NEMF: variants seen among roughly 807,000 people sequenced by gnomAD.
NEMF encodes the protein nuclear export mediator factor.
In NEMF, 89 loss-of-function variants were observed where a neutral mutation model predicts 162.2. The observed-to-expected ratio is 0.55, with a 90% CI of 0.46 to 0.65. The LOEUF (loss-of-function observed/expected upper bound fraction) is 0.65. Ranked by LOEUF, NEMF falls within the 30% of genes least tolerant of loss-of-function variation. The probability of loss-of-function intolerance (pLI) is 0.00; values close to 1 mark genes in which losing one functional copy is unlikely to be tolerated. For synonymous variants in NEMF, 421 were observed against 404.5 expected, an observed-to-expected ratio of 1.04 and a Z score of -0.49; for missense variants, 1,133 against 1,261.9, an observed-to-expected ratio of 0.90 and a Z score of 1.55.
intron 3 of NEMF, chr14:49,849,572 T>C (rs1410168633): frequency 6.6e-6 from 1 of 152,226 alleles, no homozygotes; most frequent in South Asian, 2.1e-4. Flanking sequence ...TCTATACATT[T>C]AGATTGACAC....
chr14:49,839,753 A>C (rs1355676305), intron 5 of NEMF: 1 of 152,204 alleles, frequency 6.6e-6, no homozygotes, highest in Non-Finnish European at 1.5e-5. Context: ...CATATACTAA[A>C]ATTAGAACGA....
chr14:49,851,162 C>A (rs1319993476), intron 3 of NEMF, among the ~76,000 whole-genome samples: 2 of 152,168 alleles, frequency 1.3e-5, no homozygotes, highest in African/African-American at 2.4e-5. Flanking sequence ...CAAGACTGTG[C>A]CACTGCACTC....
chr14:49,790,264 C>T (rs1890378146), intron 26 of NEMF, among the ~76,000 whole-genome samples: 1 of 152,100 alleles, frequency 6.6e-6, no homozygotes, highest in South Asian at 2.1e-4. Flanking sequence ...CAGCAATCCC[C>T]AAAGTGTGAA....
At position 49,851,674 on chromosome 14, in the gene NEMF, G is replaced by GA; in HGVS notation, c.129-10dup. The GA allele has an allele frequency of 6.2e-7, 1 of 1,608,676 alleles. No homozygotes were observed. The highest frequency in any genetic ancestry group is 8.5e-7 in the Non-Finnish European group (1 of 1,175,640). On this transcript the variant is annotated splice_polypyrimidine_tract_variant and intron_variant, in intron 2 of 32. Transcript: ENST00000298310. ...TAGCTTTAAAGTCCGGTCTGTAGAA[G>GA]AAAAAAGTCGAATTTTTCTTTAGGG...
intron 16 of NEMF, chr14:49,820,579 G>A: frequency 4.5e-6 from 2 of 442,628 alleles, no homozygotes; most frequent in Admixed American, 5.0e-5. Context: ...GACTAGCCTG[G>A]CCAATATGGT....
chr14:49,843,691 G>C (rs1055227858), intron 4 of NEMF, among the ~76,000 whole-genome samples: 1 of 152,164 alleles, frequency 6.6e-6, no homozygotes, highest in Admixed American at 6.5e-5. Context: ...CCTAGGCTAG[G>C]AATCTGTATA....
At chr14:49,822,002 G>C (rs945288549) in intron 16 of NEMF, among the ~76,000 whole-genome samples, 3 of 152,044 alleles carry the variant, frequency 2.0e-5, no homozygotes, top group Non-Finnish European at 4.4e-5. Flanking sequence ...GTTGATCTAT[G>C]ACCTTACCCC....
At position 49,833,409 on chromosome 14, in the gene NEMF, ATACATGGTGC is replaced by A; in HGVS notation, c.735+4_735+13del. 6.6e-7 allele frequency: 1 copy of A among 1,523,812 alleles called. No homozygotes were observed. Among genetic ancestry groups the A allele is most frequent in the Non-Finnish European group, 9.0e-7 (1 of 1,112,170 alleles). 94.4% of individuals were successfully genotyped at this position (1,523,812 alleles called of 1,614,324 possible). A position where few individuals can be genotyped will look rare whatever the true frequency, so the allele number is the denominator to read the frequency against. ...TAAATCACAACAATATATAGTAAGT[ATACATGGTGC>A]TACCTTCCCACTGAAGTTGGATGTT... On this transcript the variant is annotated splice_donor_5th_base_variant and intron_variant, in intron 8 of 32. Transcript: ENST00000298310.
intron 31 of NEMF, 33 bp downstream of exon 31, chr14:49,785,059 A>C (rs1890101625): frequency 6.2e-7 from 1 of 1,607,896 alleles, no homozygotes; most frequent in Non-Finnish European, 8.5e-7. Context: ...TGAACTGTTT[A>C]AAATCATAAT....
intron 16 of NEMF, among the ~76,000 whole-genome samples, chr14:49,820,837 C>T (rs1309281625): frequency 6.6e-6 from 1 of 152,078 alleles, no homozygotes; most frequent in African/African-American, 2.4e-5. Flanking sequence ...CCGGGCTGGT[C>T]TCCAGCTCCT....
intron 5 of NEMF, among the ~76,000 whole-genome samples, chr14:49,840,110 T>G (rs1214047000): frequency 6.6e-6 from 1 of 151,936 alleles, no homozygotes; most frequent in Admixed American, 6.6e-5. Flanking sequence ...CAGTGAGCTA[T>G]GATCACGCCA....
rs1261633629 is a variant in NEMF, at chr14:49,783,372, T to TGG, written c.*1263_*1264insCC. The TGG allele has an allele frequency of 1.3e-4, 19 of 151,396 alleles. No homozygotes were observed. The highest frequency in any genetic ancestry group is 4.1e-4 in the African/African-American group (17 of 41,018). The allele number at this position is 151,396 out of a possible 1,614,324, so 9.4% of individuals were successfully genotyped here. On this transcript the variant is annotated 3_prime_UTR_variant, in exon 33 of 33. Transcript: ENST00000298310. ...TTGTAAATACAATATAATAAAGGTT[T>TGG]TTTTTTTTAAACATTAATATTCACA...
intron 3 of NEMF, among the ~76,000 whole-genome samples, chr14:49,851,331 A>C (rs1893764517): frequency 6.6e-6 from 1 of 152,180 alleles, no homozygotes; most frequent in Non-Finnish European, 1.5e-5. Context: ...AAAAGCTTGA[A>C]CTCTAATAGT....
chr14:49,824,507 G>C (rs1462445955), intron 16 of NEMF, among the ~76,000 whole-genome samples: 1 of 129,586 alleles, frequency 7.7e-6, no homozygotes, highest in Non-Finnish European at 1.5e-5. Flanking sequence ...CTGCGCCACT[G>C]CACTCCAGCC....
intron 26 of NEMF, among the ~76,000 whole-genome samples, chr14:49,791,809 C>CA (rs541150118): frequency 3.5e-3 from 512 of 146,488 alleles, no homozygotes; most frequent in African/African-American, 0.012. Flanking sequence ...CACTGTACCT[C>CA]AAAAAAAAAT....
intron 26 of NEMF, among the ~76,000 whole-genome samples, chr14:49,790,639 A>G (rs1890395968): frequency 1.3e-5 from 2 of 152,198 alleles, no homozygotes; most frequent in Non-Finnish European, 1.5e-5. Context: ...TGTATGCCAC[A>G]ACCCAGAAAA....
intron 10 of NEMF, 54 bp downstream of exon 10, chr14:49,831,997 C>G: frequency 5.0e-6 from 6 of 1,205,894 alleles, no homozygotes; most frequent in Non-Finnish European, 7.0e-6. Context: ...AAGTTGATAT[C>G]AACAGCTCAT....
intron 11 of NEMF, among the ~76,000 whole-genome samples, chr14:49,830,631 C>G (rs547340280): frequency 5.3e-5 from 8 of 152,218 alleles, no homozygotes; most frequent in Non-Finnish European, 1.2e-4. Context: ...GTGATCTGCC[C>G]GCCTCGGCCT....
At chr14:49,834,831 A>G (rs1892818210) in intron 6 of NEMF, among the ~76,000 whole-genome samples, 2 of 152,326 alleles carry the variant, frequency 1.3e-5, no homozygotes, top group Non-Finnish European at 1.5e-5. Context: ...CCCAATATCA[A>G]TGATCTACTC....
Sources: gnomAD v4.1 joint callset for allele counts (sites outside exome capture counted in the v4.1 genomes callset) on GRCh38, gnomAD v4.1.1 for gene constraint, MANE v1.5 for transcripts, NCBI Gene and HGNC (gene_info 2026-07-23, HGNC 2026-07-21) for gene names.